Variants in ABCA10 observed in about 807,000 individuals in gnomAD.
ABCA10 encodes ATP binding cassette subfamily A member 10.
Under a neutral mutation model 187.5 loss-of-function variants are expected in ABCA10, and 169 were observed. The observed-to-expected ratio is 0.90, with a 90% CI of 0.80 to 1.02. ABCA10 has a LOEUF of 1.02. Among genes scored for constraint, ABCA10 ranks in the 50% least tolerant of loss-of-function variants. The pLI, the probability that ABCA10 is intolerant of heterozygous loss-of-function variation, is 0.00. For synonymous variants in ABCA10, 574 were observed against 601.8 expected (o/e 0.95, Z 0.68); for missense variants, 1,727 against 1,812.4 (o/e 0.95, Z 0.86).
chr17:69,187,571 C>A, intron 19 of ABCA10, 110 bp downstream of exon 19: 1 of 1,184,348 alleles, frequency 8.4e-7, no homozygotes, highest in South Asian at 1.8e-5. Context: ...GATAGGTAAA[C>A]ATACAAAAAA....
intron 25 of ABCA10, among the ~76,000 whole-genome samples, chr17:69,173,918 T>A (rs2144778695): frequency 6.6e-6 from 1 of 152,204 alleles, no homozygotes; most frequent in African/African-American, 2.4e-5. Context: ...CATCACTGAG[T>A]TGAGAGGCCT....
chr17:69,211,522 C>T (rs547735731), intron 9 of ABCA10, among the ~76,000 whole-genome samples: 1 of 151,610 alleles, frequency 6.6e-6, no homozygotes, highest in Non-Finnish European at 1.5e-5. Context: ...TTCCCTCTTT[C>T]TCTATCTTTT....
chr17:69,174,812 T>C (rs2074322828), intron 23 of ABCA10, 35 bp from the exon 24 acceptor site: 1 of 1,481,052 alleles, frequency 6.8e-7, no homozygotes, highest in African/African-American at 1.4e-5. Flanking sequence ...GGAAGGGATC[T>C]TAGTTTGAAA....
At chr17:69,173,813 AAC>A (rs1370473934) in intron 25 of ABCA10, among the ~76,000 whole-genome samples, 3 of 152,254 alleles carry the variant, frequency 2.0e-5, no homozygotes, top group African/African-American at 4.8e-5. Flanking sequence ...TTATTAAGAA[AAC>A]AGTTTCTTAT....
chr17:69,194,459 G>A lies in ABCA10; in HGVS notation c.1271C>T (p.Ala424Val), dbSNP rs751850043. ...ACCAGCTCCATTATGCCCAAGTATT[G>A]CAGTGATCTGTCCTTCATATATGTC... Reference protein sequence around the residue: ...FFDIYEGQITAILGHNGAGKS... With the variant: ...FFDIYEGQITVILGHNGAGKS... The change falls in exon 12 of 39, where the codon GCA becomes GTA. Residue 424 changes from alanine to valine, a missense_variant. Transcript: ENST00000690296. 3.1e-6 allele frequency: 5 copies of A among 1,612,822 alleles called. No individual in the cohort carries two copies. Among genetic ancestry groups the A allele is most frequent in the African/African-American group, 2.7e-5 (2 of 74,878 alleles).
rs1021552083 is a variant in ABCA10 at position 69,182,791 on chromosome 17, G to A, written c.2515C>T (p.Leu839Phe). The A allele has an allele frequency of 3.7e-6, 6 of 1,604,448 alleles. No individual in the cohort carries two copies. The highest frequency in any genetic ancestry group is 4.3e-6 in the Non-Finnish European group (5 of 1,176,242). Residue 839 changes from leucine (L) to phenylalanine (F), a missense_variant, in exon 21 of 39, where the codon CTC (leucine) becomes TTC (phenylalanine). By Grantham distance (22) the Leu-to-Phe change is conservative (BLOSUM62 0). Transcript: ENST00000690296. ...TCCTGACACTTCAGTGAATGCACGA[G>A]GTCTTCAATATTTGATCCTAACATA... ...VNNTGSNIED[L>F]VHSLKCQDIV...
intron 1 of ABCA10, among the ~76,000 whole-genome samples, chr17:69,237,307 G>T (rs2074878067): frequency 6.6e-6 from 1 of 152,186 alleles, no homozygotes; most frequent in Non-Finnish European, 1.5e-5. Flanking sequence ...GATTGGAATG[G>T]AAAATGGGCC....
At position 69,215,961 on chromosome 17, in the gene ABCA10, G is replaced by C. The variant is rs769018347; in HGVS notation, c.712C>G (p.Pro238Ala). 1.2e-6 allele frequency: 2 copies of C among 1,613,402 alleles called. No homozygotes were observed. Among genetic ancestry groups the C allele is most frequent in the South Asian group, 1.1e-5 (1 of 90,834 alleles). Residue 238 changes from proline (P) to alanine (A), a missense_variant, in exon 8 of 39, where the codon CCT becomes GCT. Pro to Ala is a conservative substitution (Grantham distance 27). Coordinates refer to ENST00000690296, the MANE Select transcript of ABCA10 (RefSeq NM_001377321.1). ...AATCCAGCCAAACCAGCGAGCATAGGTTTCCTTATTAAAACACTCATGAGG... is the reference window on the plus strand; with the variant it reads ...AATCCAGCCAAACCAGCGAGCATAGCTTTCCTTATTAAAACACTCATGAGG... ...AFLMSVLIRK[P>A]MLAGLAGFLF...
intron 10 of ABCA10, among the ~76,000 whole-genome samples, chr17:69,199,688 A>C (rs929377962): frequency 1.6e-4 from 24 of 152,196 alleles, no homozygotes; most frequent in Admixed American, 4.6e-4. Flanking sequence ...ATACCATACA[A>C]CAACACCCAT....
intron 5 of ABCA10, 40 bp from the exon 6 acceptor site, chr17:69,219,811 G>T (rs780480259): frequency 2.3e-6 from 3 of 1,321,616 alleles, no homozygotes; most frequent in Admixed American, 4.9e-5. Flanking sequence ...GTGAACTATA[G>T]ACAAAATATA....
intron 1 of ABCA10, among the ~76,000 whole-genome samples, chr17:69,243,547 T>C (rs7501626): frequency 6.6e-6 from 1 of 152,368 alleles, no homozygotes; most frequent in South Asian, 2.1e-4. Flanking sequence ...ACTATATTTA[T>C]GCAAGTGTGG....
In ABCA10 at chr17:69,153,818, C is replaced by A; in HGVS notation, c.3965+13G>T. 6.3e-7 allele frequency: 1 copy of A among 1,594,028 alleles called. No homozygotes were observed. The highest frequency in any genetic ancestry group is 2.2e-5 in the East Asian group (1 of 44,602). Reference sequence around the variant, plus strand: ...CTTCCTCCTGCTACAAATTGTGAGACTTCTCTCTGTACCGTGAAATACTGA... The same window carrying A: ...CTTCCTCCTGCTACAAATTGTGAGAATTCTCTCTGTACCGTGAAATACTGA... On this transcript the variant is annotated intron_variant, in intron 32 of 38. Coordinates refer to ENST00000690296, the MANE Select transcript of ABCA10 (RefSeq NM_001377321.1).
chr17:69,210,839 T>TATATATAAATA (rs1568069864), intron 9 of ABCA10, among the ~76,000 whole-genome samples: 1 of 31,078 alleles, frequency 3.2e-5, no homozygotes, highest in African/African-American at 6.6e-5. Flanking sequence ...TGCCACATAT[T>TATATATAAATA]TATGCCACAT....
At chr17:69,185,761 T>C in intron 19 of ABCA10, 118 bp from the exon 20 acceptor site, 1 of 721,520 alleles carries the variant, frequency 1.4e-6, no homozygotes, top group South Asian at 2.9e-5. Context: ...TGGTGTTTAG[T>C]TAGATAAAAT....
chr17:69,224,010 G>A (rs1041198473), intron 3 of ABCA10, among the ~76,000 whole-genome samples: 2 of 152,142 alleles, frequency 1.3e-5, no homozygotes, highest in African/African-American at 4.8e-5. Context: ...GAAGTGAATA[G>A]AGACAGATCA....
chr17:69,181,416 T>C lies in ABCA10; in HGVS notation c.2769+737A>G, dbSNP rs76745548. Among the ~76,000 whole-genome samples the C allele has an allele frequency of 7.3e-3, 1,113 of 152,228 alleles. 11 individuals carry two copies. Among genetic ancestry groups the C allele is most frequent in the African/African-American group, 0.026 (1,067 of 41,542 alleles). On this transcript the variant is annotated intron_variant, in intron 22 of 38. Transcript: ENST00000690296. Reference sequence around the variant, plus strand: ...ATTTTTTTCTCTTTTATTTTAAATTTTGCAGTGTCCTTTTGGATCTTGGCT... The same window carrying C: ...ATTTTTTTCTCTTTTATTTTAAATTCTGCAGTGTCCTTTTGGATCTTGGCT...
chr17:69,200,276 T>C (rs2074534201), intron 10 of ABCA10, among the ~76,000 whole-genome samples: 2 of 152,242 alleles, frequency 1.3e-5, no homozygotes, highest in Admixed American at 1.3e-4. Flanking sequence ...GTATTATTGT[T>C]ATGCTCATTT....
Position 69,222,691 on chromosome 17 carries a change from G to C in ABCA10, c.41C>G (p.Thr14Arg). 6.4e-7 allele frequency: 1 copy of C among 1,567,630 alleles called. No homozygotes were observed. Among genetic ancestry groups the C allele is most frequent in the Non-Finnish European group, 8.6e-7 (1 of 1,166,278 alleles). ...MALASFMKGR[T>R]VIGTPDEETM... is the part of the protein sequence containing the mutation. ...CTCTTCATCTGGTGTCCCAATGACT[G>C]TTCTTCCTACCATGTATGAAAAACA... Residue 14 changes from threonine to arginine, a missense_variant, in exon 4 of 39, where the codon ACA (threonine) becomes AGA (arginine). Coordinates refer to ENST00000690296, the MANE Select transcript of ABCA10 (RefSeq NM_001377321.1).
At chr17:69,216,092 C>T in intron 7 of ABCA10, 92 bp from the exon 8 acceptor site, 2 of 1,552,334 alleles carry the variant, frequency 1.3e-6, no homozygotes, top group Non-Finnish European at 1.7e-6. Context: ...CAAAAATTTT[C>T]TCAAAACATA....
Sources: gnomAD v4.1 joint callset for allele counts (sites outside exome capture counted in the v4.1 genomes callset) on GRCh38, gnomAD v4.1.1 for gene constraint, MANE v1.5 for transcripts, NCBI Gene and HGNC (gene_info 2026-07-23, HGNC 2026-07-21) for gene names.